The following FGF12 variants were observed in gnomAD, a reference collection of about 807,000 sequenced individuals.
FGF12 encodes the protein fibroblast growth factor 12B.
Under a neutral mutation model 23.6 loss-of-function variants are expected in FGF12, and 14 were observed. The observed-to-expected ratio is 0.59, with a 90% CI of 0.39 to 0.93. FGF12 has a LOEUF of 0.93. Ranked by LOEUF, FGF12 falls within the 40% of genes least tolerant of loss-of-function variation. The pLI, the probability that FGF12 is intolerant of heterozygous loss-of-function variation, is 0.00. For missense variants in FGF12, 175 were observed against 217.8 expected (o/e 0.80, Z 1.24); for synonymous variants, 62 against 77.3 (o/e 0.80, Z 1.04).
At chr3:192,619,037 G>T (rs62293020) in intron 2 of FGF12, among the ~76,000 whole-genome samples, 25,570 of 151,500 alleles carry the variant, frequency 0.17, 2,435 homozygotes, top group African/African-American at 0.26. Context: ...ACAAGGGATT[G>T]GTAAATGTTT....
At position 192,409,000 on chromosome 3, in the gene FGF12, G is replaced by C; in HGVS notation, c.14-48462C>G. Reference sequence around the variant, plus strand: ...GGAGTCTGGGTAGGGGCGCGGGGCGGGGGCAGCTGTTTCCAGCTGCGGTGA... The same window carrying C: ...GGAGTCTGGGTAGGGGCGCGGGGCGCGGGCAGCTGTTTCCAGCTGCGGTGA... On this transcript the variant is annotated intron_variant, in intron 2 of 5. Coordinates refer to ENST00000445105, the MANE Select transcript of FGF12 (RefSeq NM_004113.6). This position sits in a 1 kb window ranked among gnomAD's most constrained non-coding sequence, Gnocchi z 7.3. 1 of 984,864 alleles carries C rather than the reference G, an allele frequency of 1.0e-6. No individual in the cohort carries two copies. The highest frequency in any genetic ancestry group is 1.2e-6 in the Non-Finnish European group (1 of 829,746). 61.0% of individuals were successfully genotyped at this position (984,864 alleles called of 1,614,324 possible). A position where few individuals can be genotyped will look rare whatever the true frequency, so the allele number is the denominator to read the frequency against.
At chr3:192,502,835 A>G (rs1163487012) in intron 2 of FGF12, among the ~76,000 whole-genome samples, 2 of 152,244 alleles carry the variant, frequency 1.3e-5, no homozygotes, top group Non-Finnish European at 2.9e-5. Flanking sequence ...CTAGAAGTTA[A>G]AGAGAGAAGA....
intron 4 of FGF12, among the ~76,000 whole-genome samples, chr3:192,293,453 C>T (rs536200243): frequency 3.9e-5 from 6 of 152,298 alleles, no homozygotes; most frequent in African/African-American, 1.2e-4. Context: ...TCCATCGTCA[C>T]ATCCTCATGT....
At chr3:192,564,348 G>A (rs1403618134) in intron 2 of FGF12, among the ~76,000 whole-genome samples, 1 of 152,178 alleles carries the variant, frequency 6.6e-6, no homozygotes, top group Non-Finnish European at 1.5e-5. Context: ...ACAGGAGTGA[G>A]CCACTGCGCC....
At chr3:192,627,593 A>G (rs931225670) in intron 2 of FGF12, among the ~76,000 whole-genome samples, 1 of 152,136 alleles carries the variant, frequency 6.6e-6, no homozygotes, top group Non-Finnish European at 1.5e-5. Context: ...AAGCATACAA[A>G]TATCCTTTTG....
intron 2 of FGF12, among the ~76,000 whole-genome samples, chr3:192,497,217 C>G (rs370508452): frequency 7.2e-5 from 11 of 152,182 alleles, no homozygotes; most frequent in African/African-American, 2.7e-4. Flanking sequence ...CTCTTCACCT[C>G]GTTGCTCAGG....
chr3:192,551,042 C>A (rs564297650), intron 2 of FGF12, among the ~76,000 whole-genome samples: 1 of 152,078 alleles, frequency 6.6e-6, no homozygotes, highest in Non-Finnish European at 1.5e-5. Context: ...ATGACAAAGT[C>A]CAACTAGTAT....
chr3:192,573,163 C>T (rs1407104203), intron 2 of FGF12, among the ~76,000 whole-genome samples: 1 of 151,444 alleles, frequency 6.6e-6, no homozygotes, highest in Non-Finnish European at 1.5e-5. Context: ...GATAGGGGTT[C>T]TCAGTGCTTA....
At chr3:192,208,227 T>G (rs1329643052) in intron 4 of FGF12, among the ~76,000 whole-genome samples, 1 of 152,242 alleles carries the variant, frequency 6.6e-6, no homozygotes, top group African/African-American at 2.4e-5. Context: ...ATAAAAGCAC[T>G]TCGATGTGAT....
chr3:192,210,132 G>GAA (rs202178229), intron 4 of FGF12, among the ~76,000 whole-genome samples: 1 of 152,020 alleles, frequency 6.6e-6, no homozygotes, highest in East Asian at 1.9e-4. Context: ...ATCCTTGAGA[G>GAA]AAAAAAACAT....
chr3:192,657,644 A>T (rs971704630), intron 2 of FGF12, among the ~76,000 whole-genome samples: 1 of 152,170 alleles, frequency 6.6e-6, no homozygotes, highest in African/African-American at 2.4e-5. Flanking sequence ...ATTCGGACTC[A>T]TGTGGTCTTA....
At chr3:192,695,541 C>T (rs948409510) in intron 2 of FGF12, among the ~76,000 whole-genome samples, 2 of 152,112 alleles carry the variant, frequency 1.3e-5, no homozygotes, top group Admixed American at 6.6e-5. Context: ...AGTAGGTTCA[C>T]AGGAAATGTC....
intron 4 of FGF12, among the ~76,000 whole-genome samples, chr3:192,179,813 T>TG (rs1225909802): frequency 6.6e-6 from 1 of 152,074 alleles, no homozygotes; most frequent in East Asian, 1.9e-4. Context: ...CCCGGGGTGC[T>TG]GGGAATACAA....
chr3:192,363,079 G>A (rs1385892554), intron 2 of FGF12, among the ~76,000 whole-genome samples: 1 of 151,020 alleles, frequency 6.6e-6, no homozygotes, highest in East Asian at 1.9e-4. Context: ...TCACACACCG[G>A]GGCCTGTTGT....
chr3:192,311,549 T>A (rs1715937221), intron 4 of FGF12, among the ~76,000 whole-genome samples: 1 of 152,224 alleles, frequency 6.6e-6, no homozygotes, highest in African/African-American at 2.4e-5. Context: ...CATCAGTTGA[T>A]GGACATTTGA....
intron 4 of FGF12, among the ~76,000 whole-genome samples, chr3:192,220,373 C>A (rs145552624): frequency 6.6e-6 from 1 of 152,240 alleles, no homozygotes; most frequent in Non-Finnish European, 1.5e-5. Context: ...CTAAACTTTC[C>A]TACTCCATAT....
In FGF12 at chr3:192,141,868, G is replaced by A. The variant is rs1713409549; in HGVS notation, c.*2141C>T. 6.6e-6 allele frequency: 1 copy of A among 151,574 alleles called. No homozygotes were observed. 9.4% of individuals were successfully genotyped at this position (151,574 alleles called of 1,614,324 possible). On this transcript the variant is annotated 3_prime_UTR_variant, in exon 6 of 6. Coordinates refer to ENST00000445105, the MANE Select transcript of FGF12 (RefSeq NM_004113.6). ...ATGCTAAAAGAGCCAGTGTCCCATA[G>A]TGTTGAAGTTTCTTTTTTATTTTTT...
At chr3:192,427,165 G>A (rs551002212) in intron 2 of FGF12, among the ~76,000 whole-genome samples, 21 of 152,016 alleles carry the variant, frequency 1.4e-4, no homozygotes, top group Admixed American at 7.9e-4. Flanking sequence ...GGTAGATCAC[G>A]AGGTCAGGAG....
chr3:192,315,650 A>G (rs1232020435), intron 4 of FGF12, among the ~76,000 whole-genome samples: 14 of 152,210 alleles, frequency 9.2e-5, no homozygotes, highest in Non-Finnish European at 1.8e-4. Context: ...CCCAATAAAC[A>G]TTCAAATATG....
Sources: gnomAD v4.1 joint callset for allele counts (sites outside exome capture counted in the v4.1 genomes callset) on GRCh38, gnomAD v4.1.1 for gene constraint, Gnocchi (gnomAD v3.1) non-coding constraint, MANE v1.5 for transcripts, NCBI Gene and HGNC (gene_info 2026-07-23, HGNC 2026-07-21) for gene names.